NDUFAF2: variants seen among roughly 807,000 people sequenced by gnomAD.
The protein encoded by NDUFAF2 is NADH dehydrogenase [ubiquinone] 1 alpha subcomplex assembly factor 2.
NDUFAF2 carries 13 observed loss-of-function variants against 22.8 expected under a neutral mutation model. The observed-to-expected ratio is 0.57, with a 90% CI of 0.37 to 0.91. The LOEUF (loss-of-function observed/expected upper bound fraction) is 0.91. NDUFAF2 is among the 40% of genes least tolerant of loss of function. The pLI is 0.01. For synonymous variants in NDUFAF2, 53 were observed against 64.2 expected (o/e 0.83, Z 0.84); for missense variants, 162 against 195.2 (o/e 0.83, Z 1.01).
At chr5:61,085,203 T>A (rs1446887235) in intron 2 of NDUFAF2, among the ~76,000 whole-genome samples, 1 of 152,192 alleles carries the variant, frequency 6.6e-6, no homozygotes, top group Non-Finnish European at 1.5e-5. Flanking sequence ...CAGTATACCA[T>A]GACCATGTGG....
intron 1 of NDUFAF2, among the ~76,000 whole-genome samples, chr5:60,998,692 C>G (rs902896284): frequency 7.2e-5 from 11 of 151,806 alleles, no homozygotes. Flanking sequence ...TGTAAAAATT[C>G]CATTTTTTTT....
intron 1 of NDUFAF2, among the ~76,000 whole-genome samples, chr5:61,059,456 C>T (rs1262387303): frequency 4.6e-5 from 7 of 151,998 alleles, no homozygotes; most frequent in East Asian, 1.9e-4. Context: ...CCAGTTTAAA[C>T]GTAATATTGG....
chr5:60,945,746 A>G lies in NDUFAF2; in HGVS notation c.127+364A>G, dbSNP rs181193517. On this transcript the variant is annotated intron_variant, in intron 1 of 3. Coordinates refer to ENST00000296597, the MANE Select transcript of NDUFAF2 (RefSeq NM_174889.5). The stretch of plus-strand genomic sequence containing the variant: ...TGGCGACGGAGGCAGGGAAAAGTCC[A>G]CGGAAATCTTTCACCAAAGGGGCTA... 3.7e-3 allele frequency among the ~76,000 whole-genome samples: 560 copies of G among 152,324 alleles called. 4 individuals are homozygous for G. Among genetic ancestry groups the G allele is most frequent in the African/African-American group, 0.013 (523 of 41,586 alleles).
At chr5:61,047,336 A>G (rs192712159) in intron 1 of NDUFAF2, among the ~76,000 whole-genome samples, 8 of 152,282 alleles carry the variant, frequency 5.3e-5, no homozygotes, top group African/African-American at 1.9e-4. Flanking sequence ...CAGGGAAGTT[A>G]AGTAACACTA....
chr5:61,134,433 C>T (rs1421793985), intron 3 of NDUFAF2, among the ~76,000 whole-genome samples: 2 of 152,164 alleles, frequency 1.3e-5, no homozygotes, highest in African/African-American at 4.8e-5. Context: ...CGCCTGTAAT[C>T]CCAGCACTTT....
intron 1 of NDUFAF2, among the ~76,000 whole-genome samples, chr5:61,063,606 G>T (rs1455779956): frequency 6.6e-6 from 1 of 152,132 alleles, no homozygotes. Flanking sequence ...ATGTAAATTG[G>T]TGGGGAGGGT....
intron 1 of NDUFAF2, among the ~76,000 whole-genome samples, chr5:60,975,321 C>T (rs1158252351): frequency 6.6e-6 from 1 of 151,804 alleles, no homozygotes; most frequent in Non-Finnish European, 1.5e-5. Context: ...AAGAATGATT[C>T]TAAGGATTTT....
chr5:61,067,079 T>G (rs1477991331), intron 1 of NDUFAF2, among the ~76,000 whole-genome samples: 1 of 152,160 alleles, frequency 6.6e-6, no homozygotes, highest in Non-Finnish European at 1.5e-5. Flanking sequence ...AATGAGTAGA[T>G]TTTAGTTGCT....
chr5:61,123,345 A>C (rs1042265378), intron 3 of NDUFAF2, among the ~76,000 whole-genome samples: 1 of 152,174 alleles, frequency 6.6e-6, no homozygotes, highest in Non-Finnish European at 1.5e-5. Flanking sequence ...GGAAAACTAG[A>C]TAGTATAGCC....
At chr5:61,121,095 A>G (rs1229874451) in intron 3 of NDUFAF2, among the ~76,000 whole-genome samples, 1 of 152,090 alleles carries the variant, frequency 6.6e-6, no homozygotes, top group Non-Finnish European at 1.5e-5. Flanking sequence ...ATTGCCTCTG[A>G]TCTTATATCT....
chr5:61,076,195 T>C (rs1020971575), intron 2 of NDUFAF2, among the ~76,000 whole-genome samples: 55 of 152,060 alleles, frequency 3.6e-4, no homozygotes, highest in African/African-American at 1.3e-3. Context: ...CTCAGCCTCC[T>C]GAGTAGCTGG....
intron 1 of NDUFAF2, among the ~76,000 whole-genome samples, chr5:61,001,460 T>G (rs946825548): frequency 2.0e-5 from 3 of 152,116 alleles, no homozygotes; most frequent in Non-Finnish European, 4.4e-5. Context: ...TGCTGTCTGC[T>G]CTCCATCAGT....
chr5:61,009,452 T>A (rs1580092957), intron 1 of NDUFAF2, among the ~76,000 whole-genome samples: 1 of 152,104 alleles, frequency 6.6e-6, no homozygotes, highest in Non-Finnish European at 1.5e-5. Flanking sequence ...TTCATTGGAC[T>A]GCCCAGATTT....
At chr5:61,060,798 A>T (rs1200285485) in intron 1 of NDUFAF2, among the ~76,000 whole-genome samples, 1 of 152,126 alleles carries the variant, frequency 6.6e-6, no homozygotes, top group Non-Finnish European at 1.5e-5. Flanking sequence ...CAAGAATTAT[A>T]TATGCTTGTG....
At chr5:61,152,296 A>G (rs1741254314) in intron 3 of NDUFAF2, among the ~76,000 whole-genome samples, 1 of 152,120 alleles carries the variant, frequency 6.6e-6, no homozygotes, top group Admixed American at 6.5e-5. Context: ...GCAAAGAAAA[A>G]AAAAAAAGGG....
intron 3 of NDUFAF2, among the ~76,000 whole-genome samples, chr5:61,133,974 T>A (rs1009576700): frequency 2.0e-5 from 3 of 152,210 alleles, no homozygotes; most frequent in African/African-American, 7.2e-5. Context: ...AAATACGTAA[T>A]TTGGCATAAT....
chr5:61,058,064 T>C (rs1469607014), intron 1 of NDUFAF2, among the ~76,000 whole-genome samples: 1 of 152,206 alleles, frequency 6.6e-6, no homozygotes, highest in Non-Finnish European at 1.5e-5. Context: ...TAGATAACAG[T>C]ACGGTCTTTG....
At chr5:61,017,886 A>G (rs1359047560) in intron 1 of NDUFAF2, among the ~76,000 whole-genome samples, 1 of 152,072 alleles carries the variant, frequency 6.6e-6, no homozygotes, top group Non-Finnish European at 1.5e-5. Flanking sequence ...AGTAACTGGG[A>G]TGACAGGCAT....
intron 3 of NDUFAF2, among the ~76,000 whole-genome samples, chr5:61,117,109 A>G (rs1752921374): frequency 6.6e-6 from 1 of 152,198 alleles, no homozygotes; most frequent in Non-Finnish European, 1.5e-5. Flanking sequence ...TTCAAAAATG[A>G]GAAGTTAATA....
Sources: allele counts gnomAD v4.1 joint callset (sites outside exome capture counted in the v4.1 genomes callset), GRCh38; gene constraint gnomAD v4.1.1; transcripts MANE v1.5; gene names NCBI Gene and HGNC (gene_info 2026-07-23, HGNC 2026-07-21).